Variants in SGCG observed in about 807,000 individuals in gnomAD.
SGCG encodes the protein sarcoglycan gamma.
Under a neutral mutation model 29.3 loss-of-function variants are expected in SGCG, and 26 were observed. The observed-to-expected ratio is 0.89, with a 90% CI of 0.65 to 1.23. The LOEUF is 1.23. Among genes scored for constraint, SGCG ranks in the 50% most tolerant of loss-of-function variants. The pLI is 0.00. For synonymous variants in SGCG, 145 were observed against 129.7 expected, an observed-to-expected ratio of 1.12 and a Z score of -0.80; for missense variants, 353 against 356.0, an observed-to-expected ratio of 0.99 and a Z score of 0.07.
At chr13:23,299,113 GATAGTTCC>G (rs1415581772) in intron 6 of SGCG, among the ~76,000 whole-genome samples, 2 of 151,954 alleles carry the variant, frequency 1.3e-5, no homozygotes, top group African/African-American at 4.8e-5. Flanking sequence ...CTCAGATCTA[GATAGTTCC>G]ATGTTGTAAG....
At chr13:23,223,016 C>T (rs1235967675) in intron 2 of SGCG, among the ~76,000 whole-genome samples, 5 of 151,970 alleles carry the variant, frequency 3.3e-5, no homozygotes, top group African/African-American at 9.7e-5. Context: ...CAGTGGCTCA[C>T]GCCTGTAATC....
chr13:23,285,226 GGTGCTGTCCCA>G (rs1881452724), intron 5 of SGCG, among the ~76,000 whole-genome samples: 1 of 152,202 alleles, frequency 6.6e-6, no homozygotes, highest in African/African-American at 2.4e-5. Context: ...CCTTCCCCCA[GGTGCTGTCCCA>G]GGGAGATGGG....
chr13:23,229,119 G>A lies in SGCG; in HGVS notation c.196-5492G>A, dbSNP rs1224992505. On this transcript the variant is annotated intron_variant, in intron 2 of 7. Transcript: ENST00000218867. ...TCCTAACCTCAGATGATCCACCTGCGTTGGCCTCCCAAAGTGCTGGGATTA... is the reference window on the plus strand; with the variant it reads ...TCCTAACCTCAGATGATCCACCTGCATTGGCCTCCCAAAGTGCTGGGATTA... Among the ~76,000 whole-genome samples the A allele has an allele frequency of 3.3e-5, 5 of 152,020 alleles. No homozygotes were observed. In the East Asian group the frequency reaches 5.8e-4, roughly 18 times the overall value.
intron 6 of SGCG, 22 bp from the exon 7 acceptor site, chr13:23,320,608 TTTTTTTG>T (rs746220536): frequency 2.4e-5 from 36 of 1,490,890 alleles, no homozygotes; most frequent in East Asian, 2.5e-5. Context: ...TTTTTTTTTT[TTTTTTTG>T]TGCTTCTTTT....
chr13:23,182,151 T>C (rs1352294823), intron 1 of SGCG, among the ~76,000 whole-genome samples: 2 of 152,250 alleles, frequency 1.3e-5, no homozygotes, highest in African/African-American at 4.8e-5. Context: ...TTGTTCCATA[T>C]TGTCCTTTAA....
chr13:23,166,358 G>A, the SGCG span, among the ~76,000 whole-genome samples: 1 of 152,066 alleles, frequency 6.6e-6, no homozygotes, highest in African/African-American at 2.4e-5. Context: ...ACCAAGCCCA[G>A]CTAATTTTTG....
chr13:23,254,829 A>G (rs1052814287), intron 4 of SGCG, among the ~76,000 whole-genome samples: 2 of 152,188 alleles, frequency 1.3e-5, no homozygotes, highest in Admixed American at 6.5e-5. Context: ...AGGGCCCCAG[A>G]TACTACTCAG....
the SGCG span, among the ~76,000 whole-genome samples, chr13:23,164,245 C>T: frequency 6.6e-6 from 1 of 152,166 alleles, no homozygotes; most frequent in African/African-American, 2.4e-5. Context: ...AGATTATTCT[C>T]CAGATAGTTT....
intron 7 of SGCG, 87 bp from the exon 8 acceptor site, chr13:23,324,277 AAACT>A (rs1883148202): frequency 8.0e-7 from 1 of 1,246,868 alleles, no homozygotes; most frequent in Non-Finnish European, 1.2e-6. Context: ...TGAGGAGAAG[AAACT>A]AATTGGAAAT....
At chr13:23,174,873 AAATGG>A in the SGCG span, among the ~76,000 whole-genome samples, 2 of 152,042 alleles carry the variant, frequency 1.3e-5, no homozygotes, top group Non-Finnish European at 2.9e-5. Context: ...TATGGTTTTC[AAATGG>A]AATGGAATGG....
chr13:23,163,126 G>T, the SGCG span, among the ~76,000 whole-genome samples: 2 of 152,190 alleles, frequency 1.3e-5, no homozygotes, highest in African/African-American at 2.4e-5. Context: ...AATTGGTTGT[G>T]TGTTGACAGT....
At chr13:23,253,574 T>A (rs1449135114) in intron 4 of SGCG, among the ~76,000 whole-genome samples, 1 of 152,240 alleles carries the variant, frequency 6.6e-6, no homozygotes, top group Non-Finnish European at 1.5e-5. Flanking sequence ...TCTCATTTAA[T>A]TAAGTGAATA....
intron 3 of SGCG, chr13:23,246,236 T>G (rs890455634): frequency 6.6e-6 from 1 of 152,108 alleles, no homozygotes; most frequent in Non-Finnish European, 1.5e-5. Flanking sequence ...AATTCCTCCT[T>G]ATTTCACTAC....
intron 2 of SGCG, among the ~76,000 whole-genome samples, chr13:23,215,481 A>C (rs1164897366): frequency 6.6e-6 from 1 of 152,176 alleles, no homozygotes; most frequent in Non-Finnish European, 1.5e-5. Context: ...TCTCGGTTTT[A>C]ATTAGGATTA....
chr13:23,162,868 A>C, the SGCG span, among the ~76,000 whole-genome samples: 1 of 152,030 alleles, frequency 6.6e-6, no homozygotes, highest in Non-Finnish European at 1.5e-5. Flanking sequence ...TAAATAATTT[A>C]AAAAATAAGA....
At position 23,315,361 on chromosome 13, in the gene SGCG, A is replaced by T. The variant is rs555322827; in HGVS notation, c.579-5276A>T. 1.1e-4 allele frequency among the ~76,000 whole-genome samples: 16 copies of T among 152,290 alleles called. No homozygotes were observed. The South Asian group carries it at 3.3e-3, about 32-fold the overall frequency. On this transcript the variant is annotated intron_variant, in intron 6 of 7. Transcript: ENST00000218867. ...TTCCATCATCAAATGGATGTGGTAT[A>T]TATGCGATCGTGCTCGAGCAGGTCC...
At chr13:23,314,440 TAA>T (rs1383743482) in intron 6 of SGCG, among the ~76,000 whole-genome samples, 8 of 128,304 alleles carry the variant, frequency 6.2e-5, no homozygotes, top group African/African-American at 2.2e-4. Flanking sequence ...GATATGTATA[TAA>T]GATATATATA....
At chr13:23,215,600 A>T (rs1878396776) in intron 2 of SGCG, among the ~76,000 whole-genome samples, 1 of 152,200 alleles carries the variant, frequency 6.6e-6, no homozygotes, top group Non-Finnish European at 1.5e-5. Context: ...CAAAATTATG[A>T]AATCCTTTGG....
chr13:23,218,915 A>G (rs971106790), intron 2 of SGCG, among the ~76,000 whole-genome samples: 2 of 147,948 alleles, frequency 1.4e-5, no homozygotes, highest in Non-Finnish European at 3.0e-5. Flanking sequence ...CAATATAAAT[A>G]TATATATTAT....
Sources: allele counts gnomAD v4.1 joint callset (sites outside exome capture counted in the v4.1 genomes callset), GRCh38; gene constraint gnomAD v4.1.1; transcripts MANE v1.5; gene names NCBI Gene and HGNC (gene_info 2026-07-23, HGNC 2026-07-21).